The following COL19A1 variants were observed in gnomAD, a reference collection of about 807,000 sequenced individuals.
COL19A1 encodes collagen alpha-1(XIX) chain.
Under a neutral mutation model 190.2 loss-of-function variants are expected in COL19A1, and 159 were observed. The observed-to-expected ratio is 0.84, with a 90% CI of 0.73 to 0.95. COL19A1 has a LOEUF of 0.95. COL19A1 is among the 40% of genes least tolerant of loss of function. COL19A1 has a pLI of 0.00. For missense variants in COL19A1, 1,418 were observed against 1,431.9 expected (o/e 0.99, Z 0.16); for synonymous variants, 509 against 458.9 (o/e 1.11, Z -1.39).
chr6:70,010,838 C>G (rs1484791014), intron 11 of COL19A1, among the ~76,000 whole-genome samples: 1 of 121,778 alleles, frequency 8.2e-6, no homozygotes, highest in South Asian at 2.7e-4. Flanking sequence ...CCAGGAAGCT[C>G]AAACTGGGTG....
At chr6:69,923,603 G>C (rs1024135978) in intron 4 of COL19A1, among the ~76,000 whole-genome samples, 1 of 152,072 alleles carries the variant, frequency 6.6e-6, no homozygotes, top group African/African-American at 2.4e-5. Context: ...ACAAGAAGCT[G>C]ATCAAAAAAA....
intron 7 of COL19A1, among the ~76,000 whole-genome samples, chr6:69,936,224 A>G (rs1773103516): frequency 6.6e-6 from 1 of 152,148 alleles, no homozygotes; most frequent in Non-Finnish European, 1.5e-5. Flanking sequence ...TATAAAATGC[A>G]CTACTTGTCT....
At chr6:70,180,382 AGTTGTACTTGT>A (rs1238697416) in intron 43 of COL19A1, 26 bp downstream of exon 43, 6 of 1,613,960 alleles carry the variant, frequency 3.7e-6, no homozygotes, top group African/African-American at 1.3e-5. Context: ...CTTTCATGAC[AGTTGTACTTGT>A]GTTGTACTTG....
At chr6:69,970,688 G>C (rs1318117339) in intron 11 of COL19A1, among the ~76,000 whole-genome samples, 1 of 152,090 alleles carries the variant, frequency 6.6e-6, no homozygotes, top group Non-Finnish European at 1.5e-5. Context: ...CGTGAATTCT[G>C]TCTTGGTTCA....
chr6:70,098,104 C>G (rs1783396873), intron 15 of COL19A1, among the ~76,000 whole-genome samples: 1 of 152,174 alleles, frequency 6.6e-6, no homozygotes, highest in Non-Finnish European at 1.5e-5. Context: ...CTACTACCAA[C>G]CGCCGCAGGC....
chr6:70,167,118 G>T (rs1003815589), intron 37 of COL19A1, among the ~76,000 whole-genome samples: 3 of 152,224 alleles, frequency 2.0e-5, no homozygotes, highest in African/African-American at 7.2e-5. Context: ...TCAGATAAAT[G>T]AGTTAAATAA....
Position 69,997,038 on chromosome 6 carries a change from GAGAGAGAGAGAA to G in COL19A1, c.1027-26583_1027-26572del, listed in dbSNP as rs1245969200. Among the ~76,000 whole-genome samples the G allele has an allele frequency of 4.2e-3, 621 of 148,626 alleles. 8 individuals are homozygous for G. The highest frequency in any genetic ancestry group is 0.015 in the African/African-American group (585 of 38,790). Reference sequence around the variant, plus strand: ...ACATATATATATATAGAGAGAGAGAGAGAGAGAGAGAAAGAGAACCAAAAGAGAATCTAACAG... The same window carrying G: ...ACATATATATATATAGAGAGAGAGAGAGAGAACCAAAAGAGAATCTAACAG... On this transcript the variant is annotated intron_variant, in intron 11 of 50. Transcript: ENST00000620364.
At chr6:69,938,200 G>A (rs371747978) in intron 9 of COL19A1, 100 bp downstream of exon 9, 1 of 1,123,686 alleles carries the variant, frequency 8.9e-7, no homozygotes. Flanking sequence ...ACAAATATAT[G>A]TTTCTATAAA....
chr6:69,922,406 A>T (rs1381930627), intron 4 of COL19A1, among the ~76,000 whole-genome samples: 1 of 150,894 alleles, frequency 6.6e-6, no homozygotes, highest in Non-Finnish European at 1.5e-5. Context: ...AGCAGAAACT[A>T]CTCATGAGAT....
intron 4 of COL19A1, among the ~76,000 whole-genome samples, chr6:69,921,268 CAT>C (rs1429196106): frequency 7.9e-6 from 1 of 127,222 alleles, no homozygotes; most frequent in Non-Finnish European, 1.5e-5. Context: ...TATCATATAT[CAT>C]ATATATCATA....
intron 10 of COL19A1, among the ~76,000 whole-genome samples, chr6:69,962,618 C>T (rs1774869866): frequency 6.6e-6 from 1 of 152,130 alleles, no homozygotes; most frequent in Non-Finnish European, 1.5e-5. Context: ...AGTGGTGAAG[C>T]TGTAACTTAT....
At chr6:70,065,749 A>G (rs1439417564) in intron 14 of COL19A1, among the ~76,000 whole-genome samples, 2 of 152,210 alleles carry the variant, frequency 1.3e-5, no homozygotes, top group East Asian at 1.9e-4. Context: ...AAAGAACTCA[A>G]ACAAATTTAC....
intron 9 of COL19A1, among the ~76,000 whole-genome samples, chr6:69,950,574 T>C (rs574189132): frequency 6.6e-6 from 1 of 151,724 alleles, no homozygotes; most frequent in Non-Finnish European, 1.5e-5. Context: ...TCTGGTAAGC[T>C]TGGATGGACA....
intron 9 of COL19A1, among the ~76,000 whole-genome samples, chr6:69,954,758 T>C (rs528582650): frequency 3.9e-5 from 6 of 152,148 alleles, no homozygotes; most frequent in Admixed American, 2.6e-4. Context: ...TCTTACAACA[T>C]TGTTAGGGTG....
At chr6:70,020,713 T>C (rs904193892) in intron 11 of COL19A1, among the ~76,000 whole-genome samples, 1 of 152,116 alleles carries the variant, frequency 6.6e-6, no homozygotes, top group African/African-American at 2.4e-5. Context: ...GGCTGGCTAC[T>C]GGCTTTTAGT....
chr6:69,895,425 A>C (rs765708635), intron 2 of COL19A1, among the ~76,000 whole-genome samples: 10 of 152,242 alleles, frequency 6.6e-5, no homozygotes, highest in Non-Finnish European at 1.3e-4. Flanking sequence ...AGTGCAGCTA[A>C]AGATGGTGTT....
chr6:70,199,761 C>T (rs1180159678), intron 49 of COL19A1, 25 bp downstream of exon 49: 1 of 1,573,586 alleles, frequency 6.4e-7, no homozygotes, highest in Non-Finnish European at 8.6e-7. Context: ...GTAATATTGG[C>T]TTATTGATTT....
chr6:70,191,631 AC>A (rs1766880493), intron 48 of COL19A1, among the ~76,000 whole-genome samples: 1 of 152,196 alleles, frequency 6.6e-6, no homozygotes. Flanking sequence ...CCTAAAACTC[AC>A]CCTACATTTC....
chr6:69,973,486 A>C (rs1775543215), intron 11 of COL19A1, among the ~76,000 whole-genome samples: 1 of 152,182 alleles, frequency 6.6e-6, no homozygotes, highest in Non-Finnish European at 1.5e-5. Context: ...TCTCTTAGGC[A>C]GTCCCTCACC....
Sources: gnomAD v4.1 joint callset for allele counts (sites outside exome capture counted in the v4.1 genomes callset) on GRCh38, gnomAD v4.1.1 for gene constraint, MANE v1.5 for transcripts, NCBI Gene and HGNC (gene_info 2026-07-23, HGNC 2026-07-21) for gene names.